Variants in ADCY6 observed in about 807,000 individuals in gnomAD.
The protein encoded by ADCY6 is adenylate cyclase type 6.
In ADCY6, 59 loss-of-function variants were observed where a neutral mutation model predicts 111.6. That is an observed-to-expected ratio of 0.53 (90% CI 0.43 to 0.66). The LOEUF (loss-of-function observed/expected upper bound fraction) is 0.66. Ranked by LOEUF, ADCY6 falls within the 30% of genes least tolerant of loss-of-function variation. The pLI is 0.00. For synonymous variants in ADCY6, 576 were observed against 642.9 expected, an observed-to-expected ratio of 0.90 and a Z score of 1.57; for missense variants, 1,242 against 1,595.6, an observed-to-expected ratio of 0.78 and a Z score of 3.78.
chr12:48,786,788 T>C (rs1170114278), intron 1 of ADCY6, among the ~76,000 whole-genome samples: 1 of 152,160 alleles, frequency 6.6e-6, no homozygotes, highest in Non-Finnish European at 1.5e-5. Flanking sequence ...AATACTTCAT[T>C]AGAAGCATGA....
At chr12:48,772,090 A>T (rs1380993626) in intron 18 of ADCY6, 117 bp from the exon 19 acceptor site, 1 of 1,439,894 alleles carries the variant, frequency 6.9e-7, no homozygotes, top group African/African-American at 1.4e-5. Context: ...GCCCAGACAG[A>T]TGAGGCCTAA....
chr12:48,768,746 C>A (rs775344135), intron 21 of ADCY6, 30 bp from the exon 22 acceptor site: 1 of 1,609,626 alleles, frequency 6.2e-7, no homozygotes, highest in Non-Finnish European at 8.5e-7. Context: ...GCCCGCTTAG[C>A]CTGGAATCCT....
At chr12:48,768,849 C>T in intron 21 of ADCY6, 88 bp downstream of exon 21, 1 of 1,552,368 alleles carries the variant, frequency 6.4e-7, no homozygotes. Flanking sequence ...CACTAGCCAC[C>T]CTACCCCTGT....
rs1367883814 is a variant in ADCY6 at position 48,766,244 on chromosome 12, C to T, written c.*2347G>A. 1 of 152,688 alleles carries T rather than the reference C, an allele frequency of 6.5e-6. No individual in the cohort carries two copies. Among genetic ancestry groups the T allele is most frequent in the Non-Finnish European group, 1.5e-5 (1 of 68,092 alleles). 9.5% of individuals were successfully genotyped at this position (152,688 alleles called of 1,614,324 possible). A position where few individuals can be genotyped will look rare whatever the true frequency, so the allele number is the denominator to read the frequency against. On this transcript the variant is annotated 3_prime_UTR_variant, in exon 22 of 22. Coordinates refer to ENST00000357869, the MANE Select transcript of ADCY6 (RefSeq NM_015270.5). The stretch of plus-strand genomic sequence containing the variant: ...ATATTTAAATATATTAAATATTTCA[C>T]TGAAATACATGGTTCACCATCCTCC...
At position 48,768,721 on chromosome 12, in the gene ADCY6, G is replaced by A. The variant is rs1223502634; in HGVS notation, c.3382-5C>T. On this transcript the variant is annotated splice_region_variant and splice_polypyrimidine_tract_variant and intron_variant, in intron 21 of 21. Transcript: ENST00000357869. ...CTGGTACAGGTCCGTGGTCACCTGG[G>A]GGAGTGGGAGGGGAGCCCGCTTAGC... 6.2e-7 allele frequency: 1 copy of A among 1,613,410 alleles called. No individual in the cohort carries two copies. The highest frequency in any genetic ancestry group is 1.3e-5 in the African/African-American group (1 of 74,930).
At position 48,774,708 on chromosome 12, in the gene ADCY6, C is replaced by T. The variant is rs757076399; in HGVS notation, c.2149G>A (p.Val717Met). Residue 717 changes from valine to methionine, a missense_variant, in exon 13 of 22, where the codon GTG becomes ATG. Physicochemically the swap from Val to Met is conservative, Grantham distance 21. Around this residue, in one of 4 missense-constraint regions of ADCY6, gnomAD observed 375 missense variants for 432.5 expected, o/e 0.87. Transcript: ENST00000357869. ...TTACGTACAGAACCACAGGAGTACA[C>T]AGCACAGATCAGCACGGTGATTAGC... ...LLLITVLICA[V>M]YSCGSLFPKA... 5 of 1,614,132 alleles carry T rather than the reference C, an allele frequency of 3.1e-6. No homozygotes were observed. Among genetic ancestry groups the T allele is most frequent in the Non-Finnish European group, 3.4e-6 (4 of 1,179,998 alleles).
At position 48,775,675 on chromosome 12, in the gene ADCY6, G is replaced by A. The variant is rs768521597; in HGVS notation, c.1830C>T (p.Asp610=). Residue 610 remains aspartate (D), a splice_region_variant and synonymous_variant, in exon 10 of 22, where the codon GAC becomes GAT. Transcript: ENST00000357869. ...CCCTCCTCAGTAACCTGACTTACTTGTCTTTGCTGGAATCATCAATGCCCT... is the reference window on the plus strand; with the variant it reads ...CCCTCCTCAGTAACCTGACTTACTTATCTTTGCTGGAATCATCAATGCCCT... ...RQMGIDDSSK[D]NRGTQDALNP... 1 of 1,613,510 alleles carries A rather than the reference G, an allele frequency of 6.2e-7. No individual in the cohort carries two copies.
chr12:48,767,218 G>C lies in ADCY6; in HGVS notation c.*1373C>G, dbSNP rs981258372. 6.5e-6 allele frequency: 1 copy of C among 152,732 alleles called. No individual in the cohort carries two copies. Among genetic ancestry groups the C allele is most frequent in the African/African-American group, 2.4e-5 (1 of 41,458 alleles). The allele number at this position is 152,732 out of a possible 1,614,324, so 9.5% of individuals were successfully genotyped here. A position where few individuals can be genotyped will look rare whatever the true frequency, so the allele number is the denominator to read the frequency against. On this transcript the variant is annotated 3_prime_UTR_variant, in exon 22 of 22. Coordinates refer to ENST00000357869, the MANE Select transcript of ADCY6 (RefSeq NM_015270.5). ...GTCCATCAAACCCCAGACAGTTCAA[G>C]TGCTGGCATGGAGCACTGGGGCTTA...
chr12:48,769,110 C>A (rs1343861932), intron 20 of ADCY6, 49 bp from the exon 21 acceptor site: 2 of 1,505,418 alleles, frequency 1.3e-6, no homozygotes, highest in Non-Finnish European at 1.8e-6. Flanking sequence ...CAGGGTAAAC[C>A]CAGGGAGTCA....
intron 13 of ADCY6, 34 bp from the exon 14 acceptor site, chr12:48,774,552 G>T (rs200384256): frequency 6.2e-7 from 1 of 1,602,490 alleles, no homozygotes; most frequent in Non-Finnish European, 8.6e-7. Flanking sequence ...GTTGAAGGTT[G>T]TATCAGCCAA....
intron 14 of ADCY6, 95 bp downstream of exon 14, chr12:48,774,307 G>C: frequency 7.6e-7 from 1 of 1,310,642 alleles, no homozygotes. Context: ...GCTCCCTGAG[G>C]GCAGAAAATA....
In ADCY6 at chr12:48,783,032, T is replaced by C; in HGVS notation, c.403A>G (p.Lys135Glu). 4 of 1,613,584 alleles carry C rather than the reference T, an allele frequency of 2.5e-6. No individual in the cohort carries two copies. Among genetic ancestry groups the C allele is most frequent in the Non-Finnish European group, 3.4e-6 (4 of 1,179,874 alleles). Residue 135 changes from lysine (K) to glutamate (E), a missense_variant, in exon 2 of 22, where the codon AAG becomes GAG. Physicochemically the swap from Lys to Glu is moderately conservative, Grantham distance 56 (BLOSUM62 1). Around this residue, in one of 4 missense-constraint regions of ADCY6, gnomAD observed 362 missense variants for 377.2 expected, o/e 0.96. Coordinates refer to ENST00000357869, the MANE Select transcript of ADCY6 (RefSeq NM_015270.5). The stretch of plus-strand genomic sequence containing the variant: ...TACCGCTGGTACAGGCGCTCCAGCT[T>C]GGCCGAACGGAACTGCTTCGACTGG... The part of the protein sequence containing the change: ...VFQSKQFRSA[K>E]LERLYQRYFF...
Position 48,778,192 on chromosome 12 carries a change from T to G in ADCY6, c.930A>C (p.Ala310=). 6.2e-7 allele frequency: 1 copy of G among 1,614,176 alleles called. No homozygotes were observed. The highest frequency in any genetic ancestry group is 8.5e-7 in the Non-Finnish European group (1 of 1,180,034). Reference sequence around the variant, plus strand: ...GAAAGGCCTGGCGCTGAGACACCTCTGCTGGATAGTGTGTGCAGATGCCAA... The same window carrying G: ...GAAAGGCCTGGCGCTGAGACACCTCGGCTGGATAGTGTGTGCAGATGCCAA... The part of the protein sequence containing the change: ...NVIGICTHYP[A]EVSQRQAFQE... Residue 310 remains alanine, a synonymous_variant, in exon 3 of 22, where the codon GCA becomes GCC. Transcript: ENST00000357869.
chr12:48,773,659 G>A lies in ADCY6; in HGVS notation c.2443-12C>T. ...TTCCCGATGAAGTACTGCGGGGGTG[G>A]CAGAGGCAGCGTTGGGTGAAGGCAG... On this transcript the variant is annotated splice_polypyrimidine_tract_variant and intron_variant, in intron 15 of 21. Transcript: ENST00000357869. The A allele has an allele frequency of 6.2e-7, 1 of 1,613,854 alleles. No homozygotes were observed. Among genetic ancestry groups the A allele is most frequent in the Admixed American group, 1.7e-5 (1 of 60,028 alleles).
intron 9 of ADCY6, 69 bp from the exon 10 acceptor site, chr12:48,775,767 C>T: frequency 6.4e-7 from 1 of 1,570,408 alleles, no homozygotes; most frequent in Non-Finnish European, 8.7e-7. Flanking sequence ...GCTCCTTCCC[C>T]CACCCCAACA....
rs1056668754 is a variant in ADCY6, at chr12:48,777,805, C to T, written c.1015-69G>A. ...CACATTGCAATCCCTCCTGGTCTCT[C>T]CACATCGCCAGAGCCCTCCTAGACT... On this transcript the variant is annotated intron_variant, in intron 3 of 21. Coordinates refer to ENST00000357869, the MANE Select transcript of ADCY6 (RefSeq NM_015270.5). The surrounding 1 kb of genome is among the most constrained non-coding windows in gnomAD (Gnocchi z 4.9). 52 of 1,588,082 alleles carry T rather than the reference C, an allele frequency of 3.3e-5. No individual in the cohort carries two copies. Among genetic ancestry groups the T allele is most frequent in the Non-Finnish European group, 4.3e-5 (50 of 1,167,794 alleles).
chr12:48,782,898 G>A lies in ADCY6; in HGVS notation c.537C>T (p.Ala179=). The A allele has an allele frequency of 1.9e-6, 3 of 1,613,784 alleles. No homozygotes were observed. The South Asian group carries it at 3.3e-5, about 18-fold the overall frequency. Residue 179 remains alanine, a synonymous_variant, in exon 2 of 22, where the codon GCC becomes GCT. Transcript: ENST00000357869. The surrounding 1 kb of genome is among the most constrained non-coding windows in gnomAD (Gnocchi z 4.3). The part of the protein sequence containing the change: ...FHAAPARPQP[A]YVALLACAAA... ...CGGCACAGGCCAACAGTGCCACATA[G>A]GCAGGCTGAGGGCGGGCGGGTGCGG...
rs768234224 is a variant in ADCY6, at chr12:48,771,614, ATC to A, written c.3051+94_3051+95del. 118 of 1,563,840 alleles carry A rather than the reference ATC, an allele frequency of 7.5e-5. No individual in the cohort carries two copies. Among genetic ancestry groups the A allele is most frequent in the Non-Finnish European group, 8.3e-5 (95 of 1,145,968 alleles). On this transcript the variant is annotated intron_variant, in intron 19 of 21. Transcript: ENST00000357869. This position sits in a 1 kb window ranked among gnomAD's most constrained non-coding sequence, Gnocchi z 4.3. Reference sequence around the variant, plus strand: ...CCCTGATGACTCTGGGTCCCATCAAATCTCTCTCTCTCTTCCCAGTTCCACTC... The same window carrying A: ...CCCTGATGACTCTGGGTCCCATCAAATCTCTCTCTCTTCCCAGTTCCACTC...
At chr12:48,772,588 T>C in intron 16 of ADCY6, 45 bp from the exon 17 acceptor site, 1 of 1,611,702 alleles carries the variant, frequency 6.2e-7, no homozygotes, top group Non-Finnish European at 8.5e-7. Context: ...GCTTCCTGGA[T>C]TGCTGGGTGG....
Sources: allele counts gnomAD v4.1 joint callset (sites outside exome capture counted in the v4.1 genomes callset), GRCh38; gene constraint gnomAD v4.1.1; regional missense constraint gnomAD v4.1.1; non-coding constraint Gnocchi (gnomAD v3.1); transcripts MANE v1.5; gene names NCBI Gene and HGNC (gene_info 2026-07-23, HGNC 2026-07-21).